GRID2: variants seen among roughly 807,000 people sequenced by gnomAD.
GRID2 encodes the protein glutamate receptor ionotropic, delta-2.
GRID2 carries 33 observed loss-of-function variants against 114.8 expected under a neutral mutation model. That is an observed-to-expected ratio of 0.29 (90% CI 0.22 to 0.38). The LOEUF is 0.38. GRID2 is among the 10% of genes least tolerant of loss of function. GRID2 has a pLI of 1.00. For synonymous variants in GRID2, 505 were observed against 449.9 expected, an observed-to-expected ratio of 1.12 and a Z score of -1.55; for missense variants, 1,184 against 1,257.7, an observed-to-expected ratio of 0.94 and a Z score of 0.89.
intron 2 of GRID2, among the ~76,000 whole-genome samples, chr4:92,759,449 T>G (rs964564032): frequency 2.0e-5 from 3 of 152,144 alleles, no homozygotes; most frequent in East Asian, 1.9e-4. Flanking sequence ...GAAAAGGAAC[T>G]TCCCCCCAAT....
At chr4:93,506,933 G>C (rs1183970837) in intron 12 of GRID2, among the ~76,000 whole-genome samples, 2 of 152,164 alleles carry the variant, frequency 1.3e-5, no homozygotes, top group Non-Finnish European at 2.9e-5. Context: ...CTTCATTAGA[G>C]ATTGCTGTCT....
At chr4:93,395,818 A>G (rs769045742) in intron 9 of GRID2, 110 bp downstream of exon 9, 16 of 532,580 alleles carry the variant, frequency 3.0e-5, no homozygotes, top group Admixed American at 6.4e-5. Flanking sequence ...AACAAATTCT[A>G]AATACGCTTT....
At chr4:93,541,172 G>A (rs1288401536) in intron 13 of GRID2, among the ~76,000 whole-genome samples, 3 of 152,150 alleles carry the variant, frequency 2.0e-5, no homozygotes, top group Non-Finnish European at 4.4e-5. Flanking sequence ...GCAGAAGGAA[G>A]ACAATGAAAT....
At chr4:93,018,337 C>T (rs139116181) in intron 2 of GRID2, among the ~76,000 whole-genome samples, 13 of 151,816 alleles carry the variant, frequency 8.6e-5, no homozygotes, top group African/African-American at 2.9e-4. Flanking sequence ...TAGTTTTCAC[C>T]ATAACAGTGT....
intron 4 of GRID2, among the ~76,000 whole-genome samples, chr4:93,180,171 C>A (rs1352868168): frequency 2.0e-5 from 3 of 152,020 alleles, no homozygotes; most frequent in African/African-American, 7.2e-5. Context: ...CAATATTTTT[C>A]TTTCACCAAA....
At chr4:92,718,989 A>T (rs1463804582) in intron 2 of GRID2, among the ~76,000 whole-genome samples, 1 of 151,738 alleles carries the variant, frequency 6.6e-6, no homozygotes, top group Non-Finnish European at 1.5e-5. Flanking sequence ...ATCAAAAGAC[A>T]GATTTTTTTT....
chr4:93,471,482 C>T (rs931484303), intron 11 of GRID2, among the ~76,000 whole-genome samples: 2 of 151,914 alleles, frequency 1.3e-5, no homozygotes, highest in Non-Finnish European at 2.9e-5. Flanking sequence ...TCAAATGAAG[C>T]TTACAGAGAT....
chr4:92,566,817 A>C (rs889420549), intron 1 of GRID2, among the ~76,000 whole-genome samples: 1 of 152,112 alleles, frequency 6.6e-6, no homozygotes, highest in Non-Finnish European at 1.5e-5. Flanking sequence ...TTTCACTCAA[A>C]GTATGACTAG....
intron 14 of GRID2, among the ~76,000 whole-genome samples, chr4:93,628,563 T>C (rs1380973425): frequency 6.6e-6 from 1 of 152,092 alleles, no homozygotes; most frequent in Admixed American, 6.6e-5. Context: ...ACACCACTGC[T>C]TTTAATTTAG....
At chr4:93,101,164 G>A (rs1452455255) in intron 3 of GRID2, among the ~76,000 whole-genome samples, 2 of 152,008 alleles carry the variant, frequency 1.3e-5, no homozygotes, top group South Asian at 4.1e-4. Flanking sequence ...CATATGACAT[G>A]TACATATCAT....
intron 2 of GRID2, among the ~76,000 whole-genome samples, chr4:93,008,568 T>C (rs567670803): frequency 3.3e-5 from 5 of 152,242 alleles, no homozygotes; most frequent in Non-Finnish European, 7.4e-5. Flanking sequence ...GGGGTTTTCT[T>C]CAGTTTTTTT....
intron 1 of GRID2, among the ~76,000 whole-genome samples, chr4:92,408,945 G>A (rs116748391): frequency 0.034 from 5,206 of 152,050 alleles, 106 homozygotes; most frequent in Middle Eastern, 0.058. Context: ...TTCCTATTTT[G>A]ATGCTTTTTA....
intron 4 of GRID2, among the ~76,000 whole-genome samples, chr4:93,131,100 G>A (rs1734754611): frequency 6.7e-6 from 1 of 148,234 alleles, no homozygotes; most frequent in Non-Finnish European, 1.5e-5. Context: ...CCTACTTTTG[G>A]TATTTTGGGA....
chr4:92,743,549 A>G (rs1737000895), intron 2 of GRID2, among the ~76,000 whole-genome samples: 1 of 152,112 alleles, frequency 6.6e-6, no homozygotes, highest in Non-Finnish European at 1.5e-5. Context: ...TTTTATTTAT[A>G]TTTATTTTTA....
intron 2 of GRID2, among the ~76,000 whole-genome samples, chr4:92,666,259 AT>A (rs1478560794): frequency 2.6e-5 from 4 of 151,484 alleles, no homozygotes; most frequent in Non-Finnish European, 4.4e-5. Context: ...CCTTTTAGTT[AT>A]TTTTAAAATA....
At chr4:92,799,765 A>G (rs1048571540) in intron 2 of GRID2, among the ~76,000 whole-genome samples, 4 of 152,006 alleles carry the variant, frequency 2.6e-5, no homozygotes, top group Non-Finnish European at 5.9e-5. Context: ...GGGCTTCCAC[A>G]TGTGCATTTT....
chr4:93,247,975 T>A (rs1313161615), intron 8 of GRID2, among the ~76,000 whole-genome samples: 1 of 152,004 alleles, frequency 6.6e-6, no homozygotes, highest in Non-Finnish European at 1.5e-5. Context: ...GGTTAGGAGT[T>A]CAAGACTGTG....
intron 1 of GRID2, among the ~76,000 whole-genome samples, chr4:92,434,435 A>C (rs866008507): frequency 2.0e-5 from 3 of 152,166 alleles, no homozygotes; most frequent in Non-Finnish European, 4.4e-5. Flanking sequence ...ATGCATTCGG[A>C]ATTCTGCTGT....
intron 1 of GRID2, among the ~76,000 whole-genome samples, chr4:92,385,721 C>A (rs924089010): frequency 1.3e-5 from 2 of 151,374 alleles, no homozygotes; most frequent in Non-Finnish European, 3.0e-5. Flanking sequence ...GGTTAGAATA[C>A]ATAAACATTT....
Sources: allele counts gnomAD v4.1 joint callset (sites outside exome capture counted in the v4.1 genomes callset), GRCh38; gene constraint gnomAD v4.1.1; transcripts MANE v1.5; gene names NCBI Gene and HGNC (gene_info 2026-07-23, HGNC 2026-07-21).